CACNA1D: variants seen among roughly 807,000 people sequenced by gnomAD.
The protein encoded by CACNA1D is calcium voltage-gated channel subunit alpha1 D, also known as voltage-dependent L-type calcium channel subunit alpha-1D.
CACNA1D carries 55 observed loss-of-function variants against 257.1 expected under a neutral mutation model. That is an observed-to-expected ratio of 0.21 (90% CI 0.17 to 0.27). The LOEUF is 0.27. Ranked by LOEUF, CACNA1D falls within the 10% of genes least tolerant of loss-of-function variation. The probability of loss-of-function intolerance (pLI) is 1.00; values close to 1 mark genes in which losing one functional copy is unlikely to be tolerated. For synonymous variants in CACNA1D, 980 were observed against 1,014.9 expected (o/e 0.97, Z 0.65); for missense variants, 1,876 against 2,784.0 (o/e 0.67, Z 7.34).
At position 53,655,235 on chromosome 3, in the gene CACNA1D, G is replaced by A. The variant is rs200187700; in HGVS notation, c.623+4317G>A. 2.6e-5 allele frequency among the ~76,000 whole-genome samples: 4 copies of A among 152,216 alleles called. No homozygotes were observed. In the East Asian group the frequency reaches 7.7e-4, roughly 29 times the overall value. ...ATCTGTATTGATGGGCATGTAGGTT[G>A]ATTCCATGTCTTTGCTATTGTGAAT... On this transcript the variant is annotated intron_variant, in intron 4 of 47. Coordinates refer to ENST00000350061, the MANE Select transcript of CACNA1D (RefSeq NM_001128840.3).
At chr3:53,770,600 G>C in intron 32 of CACNA1D, 48 bp downstream of exon 32, 1 of 1,590,764 alleles carries the variant, frequency 6.3e-7, no homozygotes, top group Non-Finnish European at 8.6e-7. Context: ...AAGATCATAT[G>C]TAAGTCAGTG....
chr3:53,620,683 ACT>A (rs1209096368), intron 3 of CACNA1D, among the ~76,000 whole-genome samples: 1 of 152,160 alleles, frequency 6.6e-6, no homozygotes, highest in East Asian at 1.9e-4. Context: ...CCAGTTGAGA[ACT>A]CTCTAAAGCA....
chr3:53,731,653 C>T (rs1043791069), intron 17 of CACNA1D, among the ~76,000 whole-genome samples: 21 of 152,280 alleles, frequency 1.4e-4, no homozygotes, highest in African/African-American at 5.1e-4. Context: ...ACTGAGGATT[C>T]AGGAATGAAG....
intron 9 of CACNA1D, among the ~76,000 whole-genome samples, chr3:53,704,082 G>C (rs2094657637): frequency 6.6e-6 from 1 of 152,170 alleles, no homozygotes; most frequent in Non-Finnish European, 1.5e-5. Flanking sequence ...GGGCCCTTCA[G>C]CTGGAGCACA....
intron 3 of CACNA1D, among the ~76,000 whole-genome samples, chr3:53,601,734 T>C (rs1576042454): frequency 6.6e-6 from 1 of 152,182 alleles, no homozygotes; most frequent in African/African-American, 2.4e-5. Context: ...GGAGTCTCAC[T>C]CTGTCACCCA....
chr3:53,625,068 T>C (rs1048182500), intron 3 of CACNA1D, among the ~76,000 whole-genome samples: 1 of 152,124 alleles, frequency 6.6e-6, no homozygotes, highest in Admixed American at 6.5e-5. Context: ...CAGCCCTGGA[T>C]AAAGAGGGCC....
intron 8 of CACNA1D, among the ~76,000 whole-genome samples, chr3:53,680,714 A>C (rs2094422232): frequency 6.6e-6 from 1 of 152,214 alleles, no homozygotes; most frequent in African/African-American, 2.4e-5. Context: ...AGGCATTAAC[A>C]ATTGCCATTA....
chr3:53,538,306 C>T (rs140124663), intron 3 of CACNA1D, among the ~76,000 whole-genome samples: 7 of 152,028 alleles, frequency 4.6e-5, no homozygotes, highest in African/African-American at 7.2e-5. Context: ...CGCCACCATG[C>T]GTGCCATGTC....
intron 3 of CACNA1D, among the ~76,000 whole-genome samples, chr3:53,561,223 C>A (rs1466061202): frequency 4.6e-5 from 7 of 152,140 alleles, no homozygotes; most frequent in African/African-American, 9.7e-5. Context: ...GCACAAATCT[C>A]CTTTTTTTCT....
At chr3:53,601,610 C>G (rs74760729) in intron 3 of CACNA1D, among the ~76,000 whole-genome samples, 2,976 of 152,290 alleles carry the variant, frequency 0.02, 94 homozygotes, top group African/African-American at 0.068. Context: ...TTTTCTGACC[C>G]CATGTAGAAA....
rs531214268 is a variant in CACNA1D at position 53,707,805 on chromosome 3, A to AC, written c.1390+4995_1390+4996insC. Among the ~76,000 whole-genome samples, 83 of 151,986 alleles carry AC rather than the reference A, an allele frequency of 5.5e-4. 1 individual carries two copies. In the South Asian group the frequency reaches 0.014, roughly 26 times the overall value. On this transcript the variant is annotated intron_variant, in intron 9 of 47. Coordinates refer to ENST00000350061, the MANE Select transcript of CACNA1D (RefSeq NM_001128840.3). ...TCAGTGATTAGTCTTAAAAAAAAAA[A>AC]GCATTAAAAATGAAATCATTTTAAA...
intron 5 of CACNA1D, among the ~76,000 whole-genome samples, chr3:53,663,267 T>C (rs2094223431): frequency 6.6e-6 from 1 of 152,224 alleles, no homozygotes; most frequent in South Asian, 2.1e-4. Flanking sequence ...GCATCTCAGC[T>C]TCTTGCATTC....
At chr3:53,542,345 C>G (rs1362944881) in intron 3 of CACNA1D, among the ~76,000 whole-genome samples, 1 of 151,646 alleles carries the variant, frequency 6.6e-6, no homozygotes, top group Non-Finnish European at 1.5e-5. Context: ...TTTGACAGGC[C>G]AAGGAAGGTG....
chr3:53,546,561 C>G (rs117244866), intron 3 of CACNA1D, among the ~76,000 whole-genome samples: 3 of 152,208 alleles, frequency 2.0e-5, no homozygotes, highest in African/African-American at 7.2e-5. Context: ...CAGAATTTGT[C>G]TAACAGGAAT....
At chr3:53,619,181 C>T (rs1365371006) in intron 3 of CACNA1D, among the ~76,000 whole-genome samples, 2 of 152,218 alleles carry the variant, frequency 1.3e-5, no homozygotes, top group Non-Finnish European at 1.5e-5. Context: ...CTTCCCAACC[C>T]CGCACTCCCA....
At chr3:53,540,815 C>A (rs987603241) in intron 3 of CACNA1D, among the ~76,000 whole-genome samples, 1 of 152,076 alleles carries the variant, frequency 6.6e-6, no homozygotes, top group African/African-American at 2.4e-5. Context: ...GATCTCGGCT[C>A]ACTGCTACCT....
intron 3 of CACNA1D, among the ~76,000 whole-genome samples, chr3:53,554,106 G>A (rs754444499): frequency 2.0e-5 from 3 of 151,684 alleles, no homozygotes; most frequent in Non-Finnish European, 4.4e-5. Flanking sequence ...TGAGGGAGGA[G>A]AATGGCGTGA....
intron 8 of CACNA1D, among the ~76,000 whole-genome samples, chr3:53,674,958 A>C (rs2094359984): frequency 6.6e-6 from 1 of 152,224 alleles, no homozygotes; most frequent in Non-Finnish European, 1.5e-5. Flanking sequence ...GTCTTCATGT[A>C]TGCTGAGTTA....
At chr3:53,576,059 A>G (rs566964545) in intron 3 of CACNA1D, among the ~76,000 whole-genome samples, 110 of 152,240 alleles carry the variant, frequency 7.2e-4, no homozygotes, top group Non-Finnish European at 1.3e-3. Context: ...TGCTTGAGAA[A>G]GCTACAAGAC....
Sources: allele counts gnomAD v4.1 joint callset (sites outside exome capture counted in the v4.1 genomes callset), GRCh38; gene constraint gnomAD v4.1.1; transcripts MANE v1.5; gene names NCBI Gene and HGNC (gene_info 2026-07-23, HGNC 2026-07-21).